Variants in UNC79 observed in about 807,000 individuals in gnomAD.
UNC79 encodes unc-79 subunit of NALCN channel complex, also known as protein unc-79 homolog.
A neutral mutation model predicts 283.1 loss-of-function variants in UNC79; 37 were observed. That is an observed-to-expected ratio of 0.13 (90% CI 0.10 to 0.17). The LOEUF (loss-of-function observed/expected upper bound fraction) is 0.17, where lower values mean the gene tolerates loss of function less well. UNC79 is among the 10% of genes least tolerant of loss of function. The probability of loss-of-function intolerance (pLI) is 1.00; values close to 1 mark genes in which losing one functional copy is unlikely to be tolerated. For synonymous variants in UNC79, 1,107 were observed against 1,200.2 expected (o/e 0.92, Z 1.61); for missense variants, 2,272 against 3,211.1 (o/e 0.71, Z 7.07).
rs1462640861 is a variant in UNC79, at chr14:93,555,133, G to T, written c.1755+12437G>T. 3.9e-5 allele frequency among the ~76,000 whole-genome samples: 6 copies of T among 152,136 alleles called. No individual in the cohort carries two copies. In the East Asian group the frequency reaches 9.6e-4, roughly 24 times the overall value. ...TTAGACTGAATGCCTAAATTTTAAA[G>T]ACATTTAATTTTATTTCATTAATAG... On this transcript the variant is annotated intron_variant, in intron 14 of 48. Transcript: ENST00000555664.
chr14:93,556,058 A>C (rs2062156041), intron 14 of UNC79, among the ~76,000 whole-genome samples: 1 of 152,186 alleles, frequency 6.6e-6, no homozygotes, highest in African/African-American at 2.4e-5. Context: ...CAGATCTCCC[A>C]AAATCAAGGA....
Position 93,430,939 on chromosome 14 carries a change from A to G in UNC79, c.-91A>G. 1.5e-6 allele frequency: 1 copy of G among 661,758 alleles called. No homozygotes were observed. The highest frequency in any genetic ancestry group is 1.5e-5 in the South Asian group (1 of 66,014). 41.0% of individuals were successfully genotyped at this position (661,758 alleles called of 1,614,324 possible). ...AGCGAGGGGGTGGGGGGTGGGGGGT[A>G]TGCACTCTTTTCCTCGCAACATCGC... On this transcript the variant is annotated 5_prime_UTR_variant, in exon 1 of 49. It removes an upstream start codon present in the reference 5' UTR. Coordinates refer to ENST00000555664, the Ensembl canonical transcript of UNC79. This position sits in a 1 kb window ranked among gnomAD's most constrained non-coding sequence, Gnocchi z 4.6.
chr14:93,687,736 C>G (rs959950773), intron 43 of UNC79, among the ~76,000 whole-genome samples: 7 of 152,064 alleles, frequency 4.6e-5, no homozygotes, highest in Admixed American at 4.6e-4. Context: ...CGCTCCTGTG[C>G]CGGTTACTGC....
At chr14:93,694,481 G>A in intron 47 of UNC79, 69 bp downstream of exon 50, 1 of 1,408,226 alleles carries the variant, frequency 7.1e-7, no homozygotes, top group South Asian at 1.2e-5. Context: ...TTATGTTGAA[G>A]GTACTTTCTG....
chr14:93,527,116 C>T (rs1419222912), intron 8 of UNC79, among the ~76,000 whole-genome samples: 2 of 152,198 alleles, frequency 1.3e-5, no homozygotes, highest in African/African-American at 4.8e-5. Flanking sequence ...TTAAAGTTTA[C>T]GATATCATAC....
chr14:93,483,868 C>T (rs974921101), intron 4 of UNC79, among the ~76,000 whole-genome samples: 2 of 152,206 alleles, frequency 1.3e-5, no homozygotes, highest in Non-Finnish European at 2.9e-5. Flanking sequence ...AGGGCATGAA[C>T]TCATCCTTTT....
intron 1 of UNC79, among the ~76,000 whole-genome samples, chr14:93,443,260 C>CT (rs2056363766): frequency 8.8e-6 from 1 of 113,490 alleles, no homozygotes; most frequent in South Asian, 2.7e-4. Flanking sequence ...AATAAATACC[C>CT]TTATCCTTAT....
chr14:93,351,645 C>T (rs938578568), intron 1 of UNC79, among the ~76,000 whole-genome samples: 1 of 151,682 alleles, frequency 6.6e-6, no homozygotes, highest in African/African-American at 2.4e-5. Context: ...TGATGTTCTC[C>T]GTAGAAACAG....
chr14:93,655,683 A>G (rs1392353268), intron 38 of UNC79, among the ~76,000 whole-genome samples: 3 of 151,866 alleles, frequency 2.0e-5, no homozygotes, highest in African/African-American at 4.8e-5. Context: ...CCAGGAAGAC[A>G]TGAGTAGACT....
At chr14:93,351,631 T>G (rs980748551) in intron 1 of UNC79, among the ~76,000 whole-genome samples, 6 of 152,118 alleles carry the variant, frequency 3.9e-5, no homozygotes, top group African/African-American at 1.2e-4. Context: ...ATTGATGTAT[T>G]AGTTGATGTT....
intron 1 of UNC79, chr14:93,347,132 A>C: frequency 1.1e-6 from 1 of 925,350 alleles, no homozygotes; most frequent in Non-Finnish European, 1.6e-6. Flanking sequence ...GGGGTGGGGT[A>C]GGGGGCGAGG....
At chr14:93,558,030 A>G (rs902713910) in intron 14 of UNC79, among the ~76,000 whole-genome samples, 5 of 152,196 alleles carry the variant, frequency 3.3e-5, no homozygotes, top group South Asian at 2.1e-4. Flanking sequence ...GACATAAAAC[A>G]AGACAAGAGG....
intron 1 of UNC79, among the ~76,000 whole-genome samples, chr14:93,404,416 G>T (rs548947069): frequency 1.9e-4 from 27 of 143,540 alleles, no homozygotes; most frequent in African/African-American, 6.7e-4. Flanking sequence ...CTTGAACCCA[G>T]GAGTTCAAGG....
intron 1 of UNC79, among the ~76,000 whole-genome samples, chr14:93,421,928 T>C (rs935583226): frequency 6.6e-6 from 1 of 151,882 alleles, no homozygotes; most frequent in Admixed American, 6.6e-5. Context: ...TTTCAATTCA[T>C]GCTGAAAAAG....
intron 7 of UNC79, among the ~76,000 whole-genome samples, chr14:93,514,820 T>TA (rs779070228): frequency 2.0e-5 from 3 of 152,172 alleles, no homozygotes; most frequent in Non-Finnish European, 4.4e-5. Context: ...CTTTACTTTT[T>TA]AAAAAAGAGA....
At chr14:93,387,745 A>T (rs149548117) in intron 1 of UNC79, among the ~76,000 whole-genome samples, 164 of 152,292 alleles carry the variant, frequency 1.1e-3, no homozygotes, top group African/African-American at 3.7e-3. Flanking sequence ...GTAAATCTCT[A>T]TTAGCTCCAT....
intron 7 of UNC79, among the ~76,000 whole-genome samples, chr14:93,520,540 A>C (rs2060273975): frequency 6.6e-6 from 1 of 151,916 alleles, no homozygotes; most frequent in South Asian, 2.1e-4. Context: ...AGCAATCATA[A>C]AAATTTGGCT....
intron 1 of UNC79, among the ~76,000 whole-genome samples, chr14:93,380,083 G>A (rs8016969): frequency 0.012 from 1,876 of 152,170 alleles, 39 homozygotes; most frequent in African/African-American, 0.043. Context: ...GAGGATTAAA[G>A]ACACAACATA....
chr14:93,605,110 A>T, intron 26 of UNC79, 149 bp downstream of exon 27: 1 of 708,640 alleles, frequency 1.4e-6, no homozygotes, highest in Non-Finnish European at 2.1e-6. Flanking sequence ...AAGTGTTTGA[A>T]CCCCTGATAT....
Sources: gnomAD v4.1 joint callset for allele counts (sites outside exome capture counted in the v4.1 genomes callset) on GRCh38, gnomAD v4.1.1 for gene constraint, Gnocchi (gnomAD v3.1) non-coding constraint, MANE v1.5 for transcripts, NCBI Gene and HGNC (gene_info 2026-07-23, HGNC 2026-07-21) for gene names.